ARHGEF9: variants seen among roughly 807,000 people sequenced by gnomAD.
ARHGEF9 encodes Cdc42 guanine nucleotide exchange factor 9.
A neutral mutation model predicts 41.3 loss-of-function variants in ARHGEF9; 2 were observed. The ratio of observed to expected loss-of-function variants is 0.05; its 90% confidence interval spans 0.02 to 0.15. ARHGEF9 has a LOEUF of 0.15. Ranked by LOEUF, ARHGEF9 falls within the 10% of genes least tolerant of loss-of-function variation. The pLI is 1.00. For synonymous variants in ARHGEF9, 160 were observed against 154.4 expected, an observed-to-expected ratio of 1.04 and a Z score of -0.27; for missense variants, 225 against 424.7, an observed-to-expected ratio of 0.53 and a Z score of 4.13.
At chrX:63,689,236 G>A (rs1156826296) in intron 4 of ARHGEF9, among the ~76,000 whole-genome samples, 1 of 111,330 alleles carries the variant, frequency 9.0e-6, no homozygotes, top group Non-Finnish European at 1.9e-5. Context: ...CCTTCAAGAA[G>A]TTCACTTCTT....
intron 8 of ARHGEF9, among the ~76,000 whole-genome samples, chrX:63,645,424 T>C (rs1194353164): frequency 1.2e-4 from 13 of 110,999 alleles, no homozygotes; most frequent in African/African-American, 4.3e-4. Context: ...TTCCCCTTCC[T>C]GTGTCCATGT....
intron 7 of ARHGEF9, among the ~76,000 whole-genome samples, chrX:63,662,525 C>G (rs2049284434): frequency 8.9e-6 from 1 of 111,895 alleles, no homozygotes; most frequent in Non-Finnish European, 1.9e-5. Context: ...TAATCAAGTA[C>G]AGAATTTTGA....
intron 1 of ARHGEF9, among the ~76,000 whole-genome samples, chrX:63,736,775 ACTAT>A (rs1328179529): frequency 1.8e-5 from 2 of 112,162 alleles, no homozygotes; most frequent in African/African-American, 3.2e-5. Flanking sequence ...TAACCATTTT[ACTAT>A]CTATCTATAT....
intron 8 of ARHGEF9, among the ~76,000 whole-genome samples, chrX:63,648,811 T>A (rs1264448068): frequency 3.6e-5 from 4 of 110,903 alleles, no homozygotes; most frequent in Non-Finnish European, 7.6e-5. Context: ...CTAGTCTTGG[T>A]TAAAACAGAC....
chrX:63,694,468 T>C (rs782168685), intron 4 of ARHGEF9, among the ~76,000 whole-genome samples: 15 of 112,312 alleles, frequency 1.3e-4, no homozygotes, highest in Admixed American at 3.8e-4. Context: ...CAAATATCCA[T>C]TAATTTGTGA....
At chrX:63,726,528 G>A (rs2053978841) in intron 1 of ARHGEF9, 1 of 110,836 alleles carries the variant, frequency 9.0e-6, no homozygotes, top group African/African-American at 3.3e-5. Flanking sequence ...TAGTAGAGAT[G>A]GGGGTTTTTC....
At chrX:63,640,395 G>A (rs2047548564) in intron 9 of ARHGEF9, 2 of 111,865 alleles carry the variant, frequency 1.8e-5, no homozygotes, top group South Asian at 3.8e-4. Flanking sequence ...TTGAAACTGG[G>A]TAGATTGATT....
At chrX:63,646,262 T>C (rs1478422927) in intron 8 of ARHGEF9, among the ~76,000 whole-genome samples, 1 of 112,317 alleles carries the variant, frequency 8.9e-6, no homozygotes, top group Non-Finnish European at 1.9e-5. Flanking sequence ...TTTTGGCTTT[T>C]GTTGCCATTG....
intron 1 of ARHGEF9, among the ~76,000 whole-genome samples, chrX:63,725,179 C>T (rs1196166231): frequency 2.7e-5 from 3 of 110,750 alleles, no homozygotes; most frequent in Non-Finnish European, 5.7e-5. Context: ...CATTATTTAA[C>T]CCCACCGTGA....
Position 63,635,369 on chromosome X carries a change from G to A in ARHGEF9, c.*2659C>T. The A allele has an allele frequency of 1.9e-6, 1 of 521,962 alleles. No homozygotes were observed. The highest frequency in any genetic ancestry group is 3.5e-6 in the Non-Finnish European group (1 of 285,809). 43.0% of individuals were successfully genotyped at this position (521,962 alleles called of 1,213,427 possible). A position where few individuals can be genotyped will look rare whatever the true frequency, so the allele number is the denominator to read the frequency against. ...TTGAACACACTAGCAAAGCCTTTTG[G>A]AGAGCAAATCCTGGCCTCACTGAGT... On this transcript the variant is annotated 3_prime_UTR_variant, in exon 10 of 10. Coordinates refer to ENST00000671741, the MANE Select transcript of ARHGEF9 (RefSeq NM_001353921.2).
intron 1 of ARHGEF9, among the ~76,000 whole-genome samples, chrX:63,747,191 T>C (rs782050102): frequency 8.9e-5 from 10 of 112,366 alleles, no homozygotes; most frequent in African/African-American, 3.2e-4. Flanking sequence ...CCACCTATCC[T>C]TATTTTGCTG....
chrX:63,684,226 C>T (rs782573899), intron 4 of ARHGEF9, among the ~76,000 whole-genome samples: 7 of 109,979 alleles, frequency 6.4e-5, no homozygotes, highest in Admixed American at 9.6e-5. Context: ...AATAGACATT[C>T]CTCCAAAAAA....
intron 7 of ARHGEF9, among the ~76,000 whole-genome samples, chrX:63,660,318 G>A (rs551569638): frequency 9.0e-6 from 1 of 111,266 alleles, no homozygotes; most frequent in African/African-American, 3.3e-5. Flanking sequence ...GCATGTTCTC[G>A]CTTACAAGAG....
At chrX:63,719,060 A>G (rs185455218) in intron 2 of ARHGEF9, among the ~76,000 whole-genome samples, 1 of 112,465 alleles carries the variant, frequency 8.9e-6, no homozygotes, top group East Asian at 2.8e-4. Context: ...GTGAGAAGCC[A>G]TTAAGATGGA....
intron 2 of ARHGEF9, among the ~76,000 whole-genome samples, chrX:63,720,873 ATTCCCGGCTT>A (rs1394144303): frequency 8.9e-6 from 1 of 112,284 alleles, no homozygotes; most frequent in Non-Finnish European, 1.9e-5. Flanking sequence ...TAAAAATCCA[ATTCCCGGCTT>A]TTCTTGAAAT....
intron 9 of ARHGEF9, 141 bp from the exon 10 acceptor site, chrX:63,638,350 G>A: frequency 3.5e-6 from 2 of 567,521 alleles, no homozygotes; most frequent in East Asian, 7.2e-5. Flanking sequence ...AATCATCCAA[G>A]GGGAGAATTC....
At chrX:63,757,132 TG>T (rs782452082) in intron 1 of ARHGEF9, among the ~76,000 whole-genome samples, 11 of 111,811 alleles carry the variant, frequency 9.8e-5, no homozygotes, top group Non-Finnish European at 1.7e-4. Flanking sequence ...ATTAATGCCA[TG>T]ATTTCTGAGT....
intron 7 of ARHGEF9, 104 bp from the exon 8 acceptor site, chrX:63,655,841 T>C: frequency 1.9e-6 from 2 of 1,045,614 alleles, no homozygotes; most frequent in Non-Finnish European, 2.6e-6. Context: ...CGTTTTGAAG[T>C]ACCAATGGGG....
Position 63,705,357 on chromosome X carries a change from A to ATGTGTG in ARHGEF9, c.402+895_402+900dup, listed in dbSNP as rs58549005. On this transcript the variant is annotated intron_variant, in intron 3 of 9. Transcript: ENST00000671741. Reference sequence around the variant, plus strand: ...GTCAAGAAGAAAGATATAAGAGAGAATGTGTGTGTGTGTGTGTGTGTGTGT... The same window carrying ATGTGTG: ...GTCAAGAAGAAAGATATAAGAGAGAATGTGTGTGTGTGTGTGTGTGTGTGTGTGTGT... Among the ~76,000 whole-genome samples, 529 of 82,093 alleles carry ATGTGTG rather than the reference A, an allele frequency of 6.4e-3. 4 individuals are homozygous for ATGTGTG. Among genetic ancestry groups the ATGTGTG allele is most frequent in the African/African-American group, 0.015 (350 of 23,570 alleles). The allele number at this position is 82,093 out of a possible 115,157, so 71.3% of individuals were successfully genotyped here. A position where few individuals can be genotyped will look rare whatever the true frequency, so the allele number is the denominator to read the frequency against.
Sources: gnomAD v4.1 joint callset for allele counts (sites outside exome capture counted in the v4.1 genomes callset) on GRCh38, gnomAD v4.1.1 for gene constraint, MANE v1.5 for transcripts, NCBI Gene and HGNC (gene_info 2026-07-23, HGNC 2026-07-21) for gene names.